TTLL6: variants seen among roughly 807,000 people sequenced by gnomAD.
TTLL6 encodes tubulin polyglutamylase TTLL6.
A neutral mutation model predicts 96.4 loss-of-function variants in TTLL6; 75 were observed. The ratio of observed to expected loss-of-function variants is 0.78; its 90% confidence interval spans 0.65 to 0.94. TTLL6 has a LOEUF of 0.94. TTLL6 is among the 40% of genes least tolerant of loss of function. The pLI, the probability that TTLL6 is intolerant of heterozygous loss-of-function variation, is 0.00. For missense variants in TTLL6, 1,030 were observed against 1,093.0 expected, an observed-to-expected ratio of 0.94 and a Z score of 0.81; for synonymous variants, 411 against 419.4, an observed-to-expected ratio of 0.98 and a Z score of 0.24.
chr17:48,782,846 C>T (rs768681663), intron 13 of TTLL6, among the ~76,000 whole-genome samples: 10 of 151,962 alleles, frequency 6.6e-5, no homozygotes, highest in Admixed American at 1.3e-4. Flanking sequence ...CCCAAGTAGA[C>T]GGGATTGTAG....
chr17:48,789,320 G>A (rs553108878), intron 10 of TTLL6, among the ~76,000 whole-genome samples: 15 of 152,234 alleles, frequency 9.9e-5, no homozygotes, highest in African/African-American at 1.7e-4. Context: ...TGGGATTATC[G>A]TTTGTTAAAA....
rs1406970250 is a variant in TTLL6, at chr17:48,816,911, G to A, written c.103+59C>T. 13 of 1,321,416 alleles carry A rather than the reference G, an allele frequency of 9.8e-6. No homozygotes were observed. The African/African-American group carries it at 2.0e-4, about 20-fold the overall frequency. The allele number at this position is 1,321,416 out of a possible 1,614,324, so 81.9% of individuals were successfully genotyped here. A position where few individuals can be genotyped will look rare whatever the true frequency, so the allele number is the denominator to read the frequency against. On this transcript the variant is annotated intron_variant, in intron 1 of 15. Coordinates refer to ENST00000393382, the MANE Select transcript of TTLL6 (RefSeq NM_001130918.3). Reference sequence around the variant, plus strand: ...GAGACGTGTCTAGCCAGGTTTTCAGGGGACAGGCACCAGGAGGCTGCGGTC... The same window carrying A: ...GAGACGTGTCTAGCCAGGTTTTCAGAGGACAGGCACCAGGAGGCTGCGGTC...
At chr17:48,770,881 G>A (rs762228278) in intron 13 of TTLL6, among the ~76,000 whole-genome samples, 1 of 151,910 alleles carries the variant, frequency 6.6e-6, no homozygotes, top group Non-Finnish European at 1.5e-5. Context: ...TCACACCATT[G>A]TCCTCCAGCC....
intron 2 of TTLL6, 30 bp downstream of exon 2, chr17:48,804,742 G>T (rs769711726): frequency 6.5e-7 from 1 of 1,536,290 alleles, no homozygotes; most frequent in Non-Finnish European, 8.8e-7. Context: ...TACCAACATG[G>T]CTCCCCATTC....
At chr17:48,799,360 C>T in intron 6 of TTLL6, among the ~76,000 whole-genome samples, 1 of 152,220 alleles carries the variant, frequency 6.6e-6, no homozygotes, top group East Asian at 1.9e-4. Flanking sequence ...TAATGTGTTA[C>T]AGGAAAAGGG....
Position 48,796,093 on chromosome 17 carries a change from A to C in TTLL6, c.966T>G (p.Asn322Lys), listed in dbSNP as rs759816185. The C allele has an allele frequency of 3.9e-6, 6 of 1,551,538 alleles. No individual in the cohort carries two copies. The highest frequency in any genetic ancestry group is 4.4e-6 in the Non-Finnish European group (5 of 1,146,880). ...TGCCAGAGTGTGCATCTCGACTGAA[A>C]TTTGAACTGTGCTTATTAATGGAAT... ...TNYSINKHSSNFSRDAHSGSK... is the reference protein window; with the variant it reads ...TNYSINKHSSKFSRDAHSGSK... Residue 322 changes from asparagine (N) to lysine (K), a missense_variant, in exon 8 of 16, where the codon AAT (asparagine) becomes AAG (lysine). Coordinates refer to ENST00000393382, the MANE Select transcript of TTLL6 (RefSeq NM_001130918.3).
At chr17:48,787,429 C>A (rs576033608) in intron 11 of TTLL6, among the ~76,000 whole-genome samples, 1 of 152,290 alleles carries the variant, frequency 6.6e-6, no homozygotes, top group South Asian at 2.1e-4. Flanking sequence ...CTGACACTGA[C>A]ACCCACGCTG....
At chr17:48,788,557 G>T (rs654979) in intron 10 of TTLL6, among the ~76,000 whole-genome samples, 19 of 152,038 alleles carry the variant, frequency 1.2e-4, no homozygotes, top group Admixed American at 6.6e-5. Flanking sequence ...TTCGGAGAAG[G>T]CCCTTAACCT....
intron 13 of TTLL6, among the ~76,000 whole-genome samples, chr17:48,778,243 C>T (rs754185412): frequency 3.4e-5 from 5 of 148,934 alleles, no homozygotes; most frequent in Non-Finnish European, 7.4e-5. Flanking sequence ...TGCCACTGCA[C>T]TCCAGCCTGG....
intron 1 of TTLL6, among the ~76,000 whole-genome samples, chr17:48,812,766 G>T (rs1380723985): frequency 6.6e-6 from 1 of 152,202 alleles, no homozygotes; most frequent in African/African-American, 2.4e-5. Context: ...TAATGGGCTG[G>T]AAGAATGAAT....
intron 11 of TTLL6, among the ~76,000 whole-genome samples, chr17:48,786,782 C>G (rs144752530): frequency 6.6e-6 from 1 of 151,194 alleles, no homozygotes; most frequent in African/African-American, 2.4e-5. Context: ...AGAAATAACT[C>G]AGTCTCATGA....
intron 2 of TTLL6, 175 bp from the exon 3 acceptor site, chr17:48,804,103 G>A: frequency 1.5e-6 from 1 of 656,022 alleles, no homozygotes; most frequent in Non-Finnish European, 2.7e-6. Flanking sequence ...GGTACAGCAT[G>A]GTGGAAAACA....
rs1328036371 is a variant in TTLL6, at chr17:48,762,695, AGTGCCACTG to A, written c.*270_*278del. 1 of 262,536 alleles carries A rather than the reference AGTGCCACTG, an allele frequency of 3.8e-6. No homozygotes were observed. Among genetic ancestry groups the A allele is most frequent in the African/African-American group, 2.3e-5 (1 of 43,374 alleles). The allele number at this position is 262,536 out of a possible 1,614,324, so 16.3% of individuals were successfully genotyped here. ...TGGTGCCATGTGAAGAACCCAGAGA[AGTGCCACTG>A]GTACGGCAACTGGAGTGTGTCCTGG... On this transcript the variant is annotated 3_prime_UTR_variant, in exon 16 of 16. Transcript: ENST00000393382.
chr17:48,795,839 C>CA (rs1430045936), intron 8 of TTLL6, among the ~76,000 whole-genome samples: 3 of 152,194 alleles, frequency 2.0e-5, no homozygotes, highest in Admixed American at 6.5e-5. Flanking sequence ...CTCCTCCTCC[C>CA]AGCCTCCCAG....
chr17:48,770,057 T>G lies in TTLL6; in HGVS notation c.2081A>C (p.Gln694Pro). The G allele has an allele frequency of 1.2e-6, 2 of 1,613,682 alleles. No individual in the cohort carries two copies. Among genetic ancestry groups the G allele is most frequent in the Non-Finnish European group, 1.7e-6 (2 of 1,179,658 alleles). Residue 694 changes from glutamine (Q) to proline (P), a missense_variant, in exon 14 of 16, where the codon CAA becomes CCA. Coordinates refer to ENST00000393382, the MANE Select transcript of TTLL6 (RefSeq NM_001130918.3). The stretch of plus-strand genomic sequence containing the variant: ...CGGAGACTTTGGGGAGATTGAGAGT[T>G]GGGTGGTGGATTCTGGGGTGGTTTC... Reference protein sequence around the residue: ...SVETTPESTTQLSISPKSPPT... With the variant: ...SVETTPESTTPLSISPKSPPT...
At position 48,794,389 on chromosome 17, in the gene TTLL6, A is replaced by G. The variant is rs2039283304; in HGVS notation, c.998+1672T>C. The G allele has an allele frequency of 2.0e-6, 3 of 1,492,976 alleles. No individual in the cohort carries two copies. In the Admixed American group the frequency reaches 6.4e-5, roughly 32 times the overall value. The allele number at this position is 1,492,976 out of a possible 1,614,324, so 92.5% of individuals were successfully genotyped here. A position where few individuals can be genotyped will look rare whatever the true frequency, so the allele number is the denominator to read the frequency against. On this transcript the variant is annotated intron_variant, in intron 8 of 15. Coordinates refer to ENST00000393382, the MANE Select transcript of TTLL6 (RefSeq NM_001130918.3). ...CCATCACAAGTCATTTGAACCTCAC[A>G]GAGACCCTGTGAGGTGGCAGGGCAG...
chr17:48,810,635 G>A (rs371964778), intron 1 of TTLL6, among the ~76,000 whole-genome samples: 2 of 151,946 alleles, frequency 1.3e-5, no homozygotes, highest in African/African-American at 4.8e-5. Flanking sequence ...GATTGAGGCT[G>A]CAGTGAGCTG....
In TTLL6 at chr17:48,804,943, T is replaced by G; in HGVS notation, c.152A>C (p.Gln51Pro). ...TTCCTGGCTTTCCAAAGTCGGGCACTGTGGCATCTCCCTGGCCTGGGAGGA... is the reference window on the plus strand; with the variant it reads ...TTCCTGGCTTTCCAAAGTCGGGCACGGTGGCATCTCCCTGGCCTGGGAGGA... ...RASSQAREMP[Q>P]CPTLESQEGE... Residue 51 changes from glutamine to proline, a missense_variant, in exon 2 of 16, where the codon CAG becomes CCG. Coordinates refer to ENST00000393382, the MANE Select transcript of TTLL6 (RefSeq NM_001130918.3). 3 of 1,550,194 alleles carry G rather than the reference T, an allele frequency of 1.9e-6. No homozygotes were observed. The highest frequency in any genetic ancestry group is 2.6e-6 in the Non-Finnish European group (3 of 1,146,060).
intron 14 of TTLL6, 64 bp from the exon 15 acceptor site, chr17:48,769,318 G>A (rs2038684574): frequency 6.6e-7 from 1 of 1,523,400 alleles, no homozygotes; most frequent in Non-Finnish European, 8.8e-7. Context: ...AATTCCTGGT[G>A]AAGACCACCT....
Sources: allele counts gnomAD v4.1 joint callset (sites outside exome capture counted in the v4.1 genomes callset), GRCh38; gene constraint gnomAD v4.1.1; transcripts MANE v1.5; gene names NCBI Gene and HGNC (gene_info 2026-07-23, HGNC 2026-07-21).